PGM5: variants seen among roughly 807,000 people sequenced by gnomAD.
PGM5 encodes phosphoglucomutase 5.
PGM5 carries 23 observed loss-of-function variants against 59.2 expected under a neutral mutation model. The ratio of observed to expected loss-of-function variants is 0.39; its 90% CI spans 0.28 to 0.55. The LOEUF (loss-of-function observed/expected upper bound fraction) is 0.55, where lower values mean the gene tolerates loss of function less well. PGM5 is among the 20% of genes least tolerant of loss of function. The pLI, the probability that PGM5 is intolerant of heterozygous loss-of-function variation, is 0.66. For missense variants in PGM5, 574 were observed against 748.3 expected (o/e 0.77, Z 2.72); for synonymous variants, 214 against 286.0 (o/e 0.75, Z 2.54).
chr9:68,499,154 G>A (rs1195809121), intron 9 of PGM5, 73 bp from the exon 10 acceptor site: 3 of 1,503,978 alleles, frequency 2.0e-6, no homozygotes, highest in South Asian at 2.3e-5. Flanking sequence ...GCTGATTTCT[G>A]TGGCAGGTAT....
intron 1 of PGM5, among the ~76,000 whole-genome samples, chr9:68,377,117 G>A (rs184800024): frequency 3.3e-4 from 50 of 152,070 alleles, no homozygotes; most frequent in African/African-American, 1.1e-3. Flanking sequence ...AGTAGAAATA[G>A]GGTTTCACCA....
At chr9:68,508,692 C>T (rs1284409328) in intron 10 of PGM5, among the ~76,000 whole-genome samples, 5 of 152,234 alleles carry the variant, frequency 3.3e-5, no homozygotes, top group African/African-American at 1.2e-4. Flanking sequence ...CCAGAGGTCA[C>T]TGGTCATCAC....
chr9:68,479,315 AT>A, intron 7 of PGM5, 102 bp from the exon 8 acceptor site: 1 of 1,058,256 alleles, frequency 9.4e-7, no homozygotes, highest in Non-Finnish European at 1.4e-6. Flanking sequence ...TGATCCAATC[AT>A]TTCTACATAA....
Position 68,479,479 on chromosome 9 carries a change from T to G in PGM5, c.1221T>G (p.Ile407Met). ...LWAVLVWLSI[I>M]AARKQSVEEI... ...CTGTCTTGGTCTGGCTCTCCATTAT[T>G]GCTGCCCGGAAGCAGAGTGTGGAGG... is the stretch of plus-strand genomic sequence containing the variant. The change falls in exon 8 of 11, where the codon ATT (isoleucine) becomes ATG (methionine). Residue 407 changes from isoleucine to methionine, a missense_variant. Physicochemically the swap from Ile to Met is conservative, Grantham distance 10. Coordinates refer to ENST00000396396, the MANE Select transcript of PGM5 (RefSeq NM_021965.4). 1 of 1,613,930 alleles carries G rather than the reference T, an allele frequency of 6.2e-7. No homozygotes were observed.
At chr9:68,367,012 C>T (rs1386197770) in intron 1 of PGM5, among the ~76,000 whole-genome samples, 2 of 151,986 alleles carry the variant, frequency 1.3e-5, no homozygotes, top group African/African-American at 4.8e-5. Flanking sequence ...TGGCATTTCT[C>T]CATGCTGCTA....
intron 6 of PGM5, among the ~76,000 whole-genome samples, chr9:68,443,585 G>A (rs1205445834): frequency 6.6e-6 from 1 of 152,164 alleles, no homozygotes; most frequent in Non-Finnish European, 1.5e-5. Context: ...CTTCTCTGGA[G>A]CAACTACCAA....
At chr9:68,476,660 G>T (rs1488307527) in intron 7 of PGM5, among the ~76,000 whole-genome samples, 2 of 152,196 alleles carry the variant, frequency 1.3e-5, no homozygotes, top group African/African-American at 4.8e-5. Flanking sequence ...CAAACTCAAA[G>T]AACTATAAAG....
intron 6 of PGM5, among the ~76,000 whole-genome samples, chr9:68,415,779 A>ATATCATCTATC (rs1823013878): frequency 3.0e-5 from 1 of 33,234 alleles, no homozygotes; most frequent in African/African-American, 5.7e-5. Flanking sequence ...AAGGCAGGGA[A>ATATCATCTATC]TATCTATCTA....
rs1350427233 is a variant in PGM5 at position 68,437,573 on chromosome 9, A to G, written c.1044-27520A>G. ...GAATCAATTTTTCAAAGGGACACAC[A>G]CACTCACACACACACACACACACAC... is the stretch of plus-strand genomic sequence containing the variant. On this transcript the variant is annotated intron_variant, in intron 6 of 10. Transcript: ENST00000396396. The surrounding 1 kb of genome is among the most constrained non-coding windows in gnomAD (Gnocchi z 4.1). 6.7e-6 allele frequency among the ~76,000 whole-genome samples: 1 copy of G among 149,388 alleles called. No homozygotes were observed. Among genetic ancestry groups the G allele is most frequent in the Non-Finnish European group, 1.5e-5 (1 of 67,914 alleles).
chr9:68,492,797 GT>G (rs374019238), intron 9 of PGM5, among the ~76,000 whole-genome samples: 2,845 of 152,196 alleles, frequency 0.019, 32 homozygotes, highest in African/African-American at 0.04. Flanking sequence ...TTCTAGGTGG[GT>G]TTTTTTAGTG....
chr9:68,448,113 A>T (rs1359634665), intron 6 of PGM5, among the ~76,000 whole-genome samples: 2 of 152,186 alleles, frequency 1.3e-5, no homozygotes, highest in Admixed American at 1.3e-4. Context: ...GTAGGCAAAT[A>T]GGTTGTCTTC....
At chr9:68,460,794 A>G (rs1051141327) in intron 6 of PGM5, among the ~76,000 whole-genome samples, 26 of 152,174 alleles carry the variant, frequency 1.7e-4, no homozygotes, top group African/African-American at 6.3e-4. Context: ...TTTATTCTAG[A>G]CATTGAAGGA....
At chr9:68,373,346 C>G (rs1179707977) in intron 1 of PGM5, among the ~76,000 whole-genome samples, 1 of 151,930 alleles carries the variant, frequency 6.6e-6, no homozygotes, top group Non-Finnish European at 1.5e-5. Flanking sequence ...GGTAAAATTT[C>G]CAGATATCTA....
chr9:68,410,581 A>AGAG (rs1411231434), intron 6 of PGM5, among the ~76,000 whole-genome samples: 11 of 151,902 alleles, frequency 7.2e-5, no homozygotes, highest in Admixed American at 2.0e-4. Context: ...GAGGAGGAGG[A>AGAG]GAGGAGGAAT....
At chr9:68,453,771 G>A (rs1823732296) in intron 6 of PGM5, among the ~76,000 whole-genome samples, 2 of 152,208 alleles carry the variant, frequency 1.3e-5, no homozygotes, top group Non-Finnish European at 2.9e-5. Flanking sequence ...TGCATGAAAT[G>A]AGCAAGTGTC....
At chr9:68,400,854 G>A (rs1189775023) in intron 6 of PGM5, 4 of 152,574 alleles carry the variant, frequency 2.6e-5, no homozygotes, top group East Asian at 1.9e-4. Flanking sequence ...TTTCCTAGTC[G>A]ATAATGAACT....
intron 6 of PGM5, among the ~76,000 whole-genome samples, chr9:68,445,223 C>T (rs908398482): frequency 1.2e-4 from 18 of 151,924 alleles, no homozygotes; most frequent in African/African-American, 4.1e-4. Flanking sequence ...AAAAAAATCC[C>T]TTGTAAAATG....
chr9:68,376,360 C>CTAT (rs1484059714), intron 1 of PGM5, among the ~76,000 whole-genome samples: 1 of 151,930 alleles, frequency 6.6e-6, no homozygotes, highest in Non-Finnish European at 1.5e-5. Context: ...TCACTAGTAA[C>CTAT]TATTATTATT....
chr9:68,409,170 A>G (rs1220365778), intron 6 of PGM5, among the ~76,000 whole-genome samples: 9 of 150,546 alleles, frequency 6.0e-5, no homozygotes, highest in Non-Finnish European at 8.9e-5. Context: ...CAAAACCACA[A>G]TGAGATACCA....
Sources: allele counts gnomAD v4.1 joint callset (sites outside exome capture counted in the v4.1 genomes callset), GRCh38; gene constraint gnomAD v4.1.1; non-coding constraint Gnocchi (gnomAD v3.1); transcripts MANE v1.5; gene names NCBI Gene and HGNC (gene_info 2026-07-23, HGNC 2026-07-21).